The following HNF4G variants were observed in gnomAD, a reference collection of about 807,000 sequenced individuals.
The protein encoded by HNF4G is hepatocyte nuclear factor 4-gamma.
A neutral mutation model predicts 50.9 loss-of-function variants in HNF4G; 21 were observed. That is an observed-to-expected ratio of 0.41 (90% CI 0.29 to 0.59). The LOEUF is 0.59. Ranked by LOEUF, HNF4G falls within the 20% of genes least tolerant of loss-of-function variation. The pLI, the probability that HNF4G is intolerant of heterozygous loss-of-function variation, is 0.26. For synonymous variants in HNF4G, 198 were observed against 185.6 expected, an observed-to-expected ratio of 1.07 and a Z score of -0.54; for missense variants, 527 against 559.4, an observed-to-expected ratio of 0.94 and a Z score of 0.58.
At chr8:75,542,379 T>A (rs978500250) in intron 1 of HNF4G, among the ~76,000 whole-genome samples, 3 of 151,960 alleles carry the variant, frequency 2.0e-5, no homozygotes, top group African/African-American at 7.2e-5. Flanking sequence ...GTGACATTTT[T>A]AAATGTGTGT....
Position 75,564,199 on chromosome 8 carries a change from C to A in HNF4G, c.*103C>A. ...GGCAAACTCTTAGCCAAGGCTTCTT[C>A]ATTGGTGCTGTTATAAGATGGTGTC... is the stretch of plus-strand genomic sequence containing the variant. On this transcript the variant is annotated 3_prime_UTR_variant, in exon 10 of 10. Transcript: ENST00000396423. 1 of 1,171,842 alleles carries A rather than the reference C, an allele frequency of 8.5e-7. No individual in the cohort carries two copies. Among genetic ancestry groups the A allele is most frequent in the African/African-American group, 1.5e-5 (1 of 65,404 alleles). The allele number at this position is 1,171,842 out of a possible 1,614,324, so 72.6% of individuals were successfully genotyped here.
intron 6 of HNF4G, 75 bp downstream of exon 6, chr8:75,556,144 G>A: frequency 1.5e-6 from 1 of 680,126 alleles, no homozygotes; most frequent in Non-Finnish European, 2.4e-6. Flanking sequence ...GGTCTGTTCT[G>A]TATGTACCAA....
At chr8:75,436,858 C>T (rs980498113) in intron 1 of HNF4G, among the ~76,000 whole-genome samples, 7 of 151,934 alleles carry the variant, frequency 4.6e-5, no homozygotes, top group African/African-American at 1.7e-4. Context: ...GCCTGGGCAA[C>T]ATAGTGAGAT....
intron 3 of HNF4G, among the ~76,000 whole-genome samples, chr8:75,550,029 A>C (rs1351622098): frequency 6.6e-6 from 1 of 152,150 alleles, no homozygotes; most frequent in Admixed American, 6.6e-5. Flanking sequence ...CTTTCTTAAA[A>C]GCAAAAAGTC....
At chr8:75,425,864 G>T (rs1810880927) in intron 1 of HNF4G, among the ~76,000 whole-genome samples, 1 of 151,966 alleles carries the variant, frequency 6.6e-6, no homozygotes, top group South Asian at 2.1e-4. Context: ...TAGTTTACAT[G>T]TCTTTTACTG....
intron 8 of HNF4G, 95 bp from the exon 9 acceptor site, chr8:75,560,249 C>T (rs1807267025): frequency 4.5e-6 from 6 of 1,324,684 alleles, no homozygotes; most frequent in East Asian, 2.4e-5. Context: ...GCAAAAATAG[C>T]GATATTTAAG....
intron 2 of HNF4G, among the ~76,000 whole-genome samples, chr8:75,497,324 C>A (rs1812796569): frequency 6.6e-6 from 1 of 152,050 alleles, no homozygotes; most frequent in Non-Finnish European, 1.5e-5. Context: ...GGGCTAGGTA[C>A]TGCAGAGAAA....
chr8:75,516,326 G>C (rs572770021), intron 2 of HNF4G, among the ~76,000 whole-genome samples: 1 of 151,366 alleles, frequency 6.6e-6, no homozygotes, highest in Non-Finnish European at 1.5e-5. Context: ...TTTTACCTAC[G>C]GGTTATTTCT....
In HNF4G at chr8:75,448,174, A is replaced by G. The variant is rs376226666; in HGVS notation, c.-144+40012A>G. ...TGGAAATCATCATTCTCAGTAAACT[A>G]TCGCAAGAACAAAAAACCAAACACC... On this transcript the variant is annotated intron_variant, in intron 1 of 10. Coordinates refer to the HNF4G transcript ENST00000354370. Among the ~76,000 whole-genome samples, 9 of 135,752 alleles carry G rather than the reference A, an allele frequency of 6.6e-5. No homozygotes were observed. In the East Asian group the frequency reaches 8.8e-4, roughly 13 times the overall value. The allele number at this position is 135,752 out of a possible 152,430, so 89.1% of individuals were successfully genotyped here.
chr8:75,542,966 G>T (rs1208310576), intron 1 of HNF4G, among the ~76,000 whole-genome samples: 2 of 152,068 alleles, frequency 1.3e-5, no homozygotes, highest in Non-Finnish European at 1.5e-5. Context: ...TGGGCAGACC[G>T]CCTGCTGAGG....
intron 1 of HNF4G, among the ~76,000 whole-genome samples, chr8:75,422,250 A>C (rs1203011129): frequency 6.6e-6 from 1 of 152,190 alleles, no homozygotes; most frequent in Non-Finnish European, 1.5e-5. Flanking sequence ...TGAATACTCA[A>C]CCAAAAGCTA....
At chr8:75,516,236 C>T (rs1414425126) in intron 2 of HNF4G, among the ~76,000 whole-genome samples, 3 of 152,166 alleles carry the variant, frequency 2.0e-5, no homozygotes, top group Admixed American at 6.5e-5. Context: ...CCTCTAAGCA[C>T]TGCTTTAGCT....
chr8:75,560,597 A>C (rs1807282785), intron 9 of HNF4G, 131 bp downstream of exon 9: 1 of 697,882 alleles, frequency 1.4e-6, no homozygotes, highest in East Asian at 2.8e-5. Context: ...GAGACTCAGC[A>C]GTAGAAGACT....
chr8:75,518,909 G>A (rs1805966045), intron 2 of HNF4G, among the ~76,000 whole-genome samples: 1 of 152,116 alleles, frequency 6.6e-6, no homozygotes, highest in Admixed American at 6.6e-5. Context: ...CAGAAAATGG[G>A]TTTTTCTTTT....
At position 75,559,544 on chromosome 8, in the gene HNF4G, A is replaced by G. The variant is rs147432214; in HGVS notation, c.1123+507A>G. On this transcript the variant is annotated intron_variant, in intron 8 of 9. Coordinates refer to ENST00000396423, the MANE Select transcript of HNF4G (RefSeq NM_004133.5). Reference sequence around the variant, plus strand: ...GCCTCGGCCTCCCAAAGTGCTGGGAATACAGGCGTGAGCCACTGCACCCAG... The same window carrying G: ...GCCTCGGCCTCCCAAAGTGCTGGGAGTACAGGCGTGAGCCACTGCACCCAG... Among the ~76,000 whole-genome samples the G allele has an allele frequency of 6.0e-3, 906 of 151,976 alleles. 4 individuals carry two copies. Among genetic ancestry groups the G allele is most frequent in the Non-Finnish European group, 0.011 (718 of 67,930 alleles).
intron 1 of HNF4G, among the ~76,000 whole-genome samples, chr8:75,410,071 G>T (rs1394490863): frequency 1.3e-5 from 2 of 152,054 alleles, no homozygotes; most frequent in South Asian, 2.1e-4. Context: ...AATATATACA[G>T]ATTTTTTTTT....
rs775772831 is a variant in HNF4G, at chr8:75,493,601, G to A, written c.-24+3393G>A. Among the ~76,000 whole-genome samples, 14 of 151,868 alleles carry A rather than the reference G, an allele frequency of 9.2e-5. No homozygotes were observed. In the South Asian group the frequency reaches 1.0e-3, roughly 11 times the overall value. On this transcript the variant is annotated intron_variant, in intron 2 of 10. Coordinates refer to the HNF4G transcript ENST00000354370. ...TAGTATGAAAATTTTCTATATATTT[G>A]TTTACTAATTGCATTTCTTTTTTTA... is the stretch of plus-strand genomic sequence containing the variant.
chr8:75,560,851 T>C (rs1807291752), intron 9 of HNF4G, among the ~76,000 whole-genome samples: 1 of 152,148 alleles, frequency 6.6e-6, no homozygotes, highest in African/African-American at 2.4e-5. Flanking sequence ...TGTCAAAATA[T>C]TAAGAACTCT....
In HNF4G at chr8:75,564,786, G is replaced by C. The variant is rs1266942678; in HGVS notation, c.*690G>C. On this transcript the variant is annotated 3_prime_UTR_variant, in exon 10 of 10. Coordinates refer to ENST00000396423, the MANE Select transcript of HNF4G (RefSeq NM_004133.5). Reference sequence around the variant, plus strand: ...TATCAGTTAGGATACAGGGTGAACTGTAACAAAGAAACCCCTAAAACAGTG... The same window carrying C: ...TATCAGTTAGGATACAGGGTGAACTCTAACAAAGAAACCCCTAAAACAGTG... 1 of 152,184 alleles carries C rather than the reference G, an allele frequency of 6.6e-6. No homozygotes were observed. Among genetic ancestry groups the C allele is most frequent in the South Asian group, 2.1e-4 (1 of 4,834 alleles). The allele number at this position is 152,184 out of a possible 1,614,324, so 9.4% of individuals were successfully genotyped here.
Sources: allele counts gnomAD v4.1 joint callset (sites outside exome capture counted in the v4.1 genomes callset), GRCh38; gene constraint gnomAD v4.1.1; transcripts MANE v1.5; gene names NCBI Gene and HGNC (gene_info 2026-07-23, HGNC 2026-07-21).